Variants in PSD2 observed in about 807,000 individuals in gnomAD.
PSD2 encodes the protein PH and SEC7 domain-containing protein 2.
PSD2 carries 38 observed loss-of-function variants against 69.8 expected under a neutral mutation model. The ratio of observed to expected loss-of-function variants is 0.54; its 90% CI spans 0.42 to 0.71. The LOEUF is 0.71. Ranked by LOEUF, PSD2 falls within the 30% of genes least tolerant of loss-of-function variation. The pLI is 0.00. For missense variants in PSD2, 943 were observed against 1,014.5 expected (o/e 0.93, Z 0.96); for synonymous variants, 412 against 423.0 (o/e 0.97, Z 0.32).
intron 12 of PSD2, among the ~76,000 whole-genome samples, chr5:139,838,060 G>T (rs970437738): frequency 1.3e-5 from 2 of 152,226 alleles, no homozygotes; most frequent in Admixed American, 6.5e-5. Context: ...TGCTGAGTGC[G>T]CTGGAGTCTG....
At chr5:139,748,877 C>T in the PSD2 span, among the ~76,000 whole-genome samples, 1 of 151,778 alleles carries the variant, frequency 6.6e-6, no homozygotes, top group African/African-American at 2.4e-5. Flanking sequence ...AGGGAGCAGT[C>T]ACCTGATTTC....
chr5:139,759,198 G>A, the PSD2 span, among the ~76,000 whole-genome samples: 1 of 152,098 alleles, frequency 6.6e-6, no homozygotes, highest in Non-Finnish European at 1.5e-5. Context: ...TCTGGAGCTG[G>A]GTGCCTGTGT....
At chr5:139,766,924 C>CTCT in the PSD2 span, among the ~76,000 whole-genome samples, 2 of 33,140 alleles carry the variant, frequency 6.0e-5, no homozygotes, top group African/African-American at 1.5e-4. Context: ...TTCCTTCCTT[C>CTCT]CTTCCCTTCT....
At position 139,837,260 on chromosome 5, in the gene PSD2, C is replaced by T. The variant is rs868267302; in HGVS notation, c.1665+22C>T. On this transcript the variant is annotated intron_variant, in intron 11 of 14. Coordinates refer to ENST00000274710, the MANE Select transcript of PSD2 (RefSeq NM_032289.4). This position sits in a 1 kb window ranked among gnomAD's most constrained non-coding sequence, Gnocchi z 5.0. ...GAAGGTGAGAGACTGCCCCAGAGAC[C>T]TTACTCAGAAAGGGCCAGCTCAGTC... The T allele has an allele frequency of 1.2e-6, 2 of 1,612,362 alleles. No individual in the cohort carries two copies. The highest frequency in any genetic ancestry group is 1.7e-6 in the Non-Finnish European group (2 of 1,178,454).
chr5:139,747,207 C>T, the PSD2 span, among the ~76,000 whole-genome samples: 1 of 152,134 alleles, frequency 6.6e-6, no homozygotes, highest in African/African-American at 2.4e-5. This position sits in a 1 kb window ranked among gnomAD's most constrained non-coding sequence, Gnocchi z 6.7. Flanking sequence ...ATTTTCGTTC[C>T]TCTCTTTGTC....
the PSD2 span, among the ~76,000 whole-genome samples, chr5:139,764,647 C>T: frequency 1.3e-5 from 2 of 152,174 alleles, no homozygotes; most frequent in Non-Finnish European, 2.9e-5. Context: ...CCGAGCCTGG[C>T]AGCCCCTCCC....
At chr5:139,773,224 C>A in the PSD2 span, among the ~76,000 whole-genome samples, 1 of 152,166 alleles carries the variant, frequency 6.6e-6, no homozygotes, top group East Asian at 1.9e-4. Context: ...GCACCCTCCA[C>A]CCCTGCAACC....
chr5:139,791,062 AAAAAG>A (rs1380358300), upstream of PSD2, among the ~76,000 whole-genome samples: 1 of 152,000 alleles, frequency 6.6e-6, no homozygotes, highest in Admixed American at 6.6e-5. Flanking sequence ...AAAAAAATAA[AAAAAG>A]AAAAGAAAAT....
chr5:139,779,675 C>T, the PSD2 span, among the ~76,000 whole-genome samples: 2 of 152,322 alleles, frequency 1.3e-5, no homozygotes, highest in African/African-American at 4.8e-5. Context: ...TTCCATCACT[C>T]CAAAAAGTTT....
chr5:139,792,525 C>T (rs1341472675), upstream of PSD2, among the ~76,000 whole-genome samples: 3 of 152,040 alleles, frequency 2.0e-5, no homozygotes, highest in Non-Finnish European at 4.4e-5. Context: ...GTCTTTGGTT[C>T]AGCCTTGGCA....
the PSD2 span, among the ~76,000 whole-genome samples, chr5:139,776,051 G>A: frequency 6.6e-6 from 1 of 152,306 alleles, no homozygotes; most frequent in South Asian, 2.1e-4. Context: ...AGGTCCCTGA[G>A]GAGGGGTTCA....
At chr5:139,749,908 A>G in the PSD2 span, among the ~76,000 whole-genome samples, 2 of 152,146 alleles carry the variant, frequency 1.3e-5, no homozygotes, top group Non-Finnish European at 2.9e-5. Context: ...GTGTGAGCAT[A>G]TAGTTCCAGC....
the PSD2 span, chr5:139,742,622 CAGTG>C: frequency 6.5e-6 from 1 of 152,972 alleles, no homozygotes; most frequent in Non-Finnish European, 1.5e-5. Flanking sequence ...ATGAGAGTGA[CAGTG>C]AGCATGTGAG....
chr5:139,785,163 C>T, the PSD2 span, among the ~76,000 whole-genome samples: 1 of 149,586 alleles, frequency 6.7e-6, no homozygotes, highest in Non-Finnish European at 1.5e-5. Context: ...CTTCTCATCC[C>T]CTTTCTTTGT....
chr5:139,828,693 A>G (rs1760493896), intron 7 of PSD2, among the ~76,000 whole-genome samples: 2 of 152,130 alleles, frequency 1.3e-5, no homozygotes. Context: ...ACCCTTAAAG[A>G]CAGGCTAGCA....
At chr5:139,748,381 A>G in the PSD2 span, among the ~76,000 whole-genome samples, 1 of 152,246 alleles carries the variant, frequency 6.6e-6, no homozygotes, top group Non-Finnish European at 1.5e-5. Context: ...AAGCCTGTGG[A>G]GACAGATGTA....
intron 2 of PSD2, among the ~76,000 whole-genome samples, chr5:139,811,599 C>CT (rs1349454771): frequency 1.8e-4 from 28 of 151,372 alleles, no homozygotes; most frequent in African/African-American, 2.7e-4. Flanking sequence ...CTGTCTAGCT[C>CT]TTTTTTTTTA....
the PSD2 span, among the ~76,000 whole-genome samples, chr5:139,749,713 T>A: frequency 6.6e-6 from 1 of 152,122 alleles, no homozygotes. Flanking sequence ...TTACCTCAAC[T>A]GGCTGGGCAC....
chr5:139,766,912 C>CTCTCTTTCTTTCTTT, the PSD2 span, among the ~76,000 whole-genome samples: 2 of 64,844 alleles, frequency 3.1e-5, no homozygotes, highest in Admixed American at 3.0e-4. Context: ...TCCCTCCCTT[C>CTCTCTTTCTTTCTTT]CTTCCTTCCT....
Sources: allele counts gnomAD v4.1 joint callset (sites outside exome capture counted in the v4.1 genomes callset), GRCh38; gene constraint gnomAD v4.1.1; non-coding constraint Gnocchi (gnomAD v3.1); transcripts MANE v1.5; gene names NCBI Gene and HGNC (gene_info 2026-07-23, HGNC 2026-07-21).